ZNF704: variants seen among roughly 807,000 people sequenced by gnomAD.
ZNF704 encodes the protein zinc finger protein 704.
In ZNF704, 10 loss-of-function variants were observed where a neutral mutation model predicts 44.7. The ratio of observed to expected loss-of-function variants is 0.22; its 90% CI spans 0.14 to 0.38. The LOEUF (loss-of-function observed/expected upper bound fraction) is 0.38, where lower values mean the gene tolerates loss of function less well. Among genes scored for constraint, ZNF704 ranks in the 10% least tolerant of loss-of-function variants. The pLI is 1.00. For synonymous variants in ZNF704, 211 were observed against 207.6 expected (o/e 1.02, Z -0.14); for missense variants, 390 against 545.5 (o/e 0.71, Z 2.84).
At chr8:80,680,373 T>C (rs1818434256) in intron 4 of ZNF704, among the ~76,000 whole-genome samples, 2 of 152,054 alleles carry the variant, frequency 1.3e-5, no homozygotes, top group Non-Finnish European at 2.9e-5. Flanking sequence ...ATTTTTTTTT[T>C]TTTTGTATTG....
intron 1 of ZNF704, among the ~76,000 whole-genome samples, chr8:80,855,947 G>A (rs1306436507): frequency 1.3e-5 from 2 of 152,160 alleles, no homozygotes; most frequent in Non-Finnish European, 2.9e-5. Context: ...AGAGGTCAGA[G>A]TTACATCTAA....
At chr8:80,691,843 T>C (rs1818640774) in intron 3 of ZNF704, among the ~76,000 whole-genome samples, 3 of 152,186 alleles carry the variant, frequency 2.0e-5, no homozygotes, top group African/African-American at 7.2e-5. Context: ...TCTCTTCCTG[T>C]GCGTCTGTCA....
chr8:80,730,569 G>C (rs113002852), intron 2 of ZNF704, among the ~76,000 whole-genome samples: 3,419 of 126,128 alleles, frequency 0.027, 172 homozygotes, highest in African/African-American at 0.09. Flanking sequence ...AAAAAAAAAA[G>C]TTGTGCATTA....
At chr8:80,696,606 C>T (rs975551775) in intron 2 of ZNF704, among the ~76,000 whole-genome samples, 3 of 152,068 alleles carry the variant, frequency 2.0e-5, no homozygotes, top group Middle Eastern at 3.2e-3. Flanking sequence ...TCAGTAGAGA[C>T]GGGGTTTCAC....
chr8:80,645,874 C>T (rs931152381), intron 7 of ZNF704, among the ~76,000 whole-genome samples: 4 of 151,964 alleles, frequency 2.6e-5, no homozygotes, highest in Non-Finnish European at 4.4e-5. Context: ...ATGTTTGTCC[C>T]CTCCAAAACT....
chr8:80,880,698 G>A, the ZNF704 span, among the ~76,000 whole-genome samples: 1 of 152,162 alleles, frequency 6.6e-6, no homozygotes, highest in Non-Finnish European at 1.5e-5. Flanking sequence ...AACCTCTAGG[G>A]AATGATAGCC....
intron 2 of ZNF704, among the ~76,000 whole-genome samples, chr8:80,791,692 T>C (rs1445609654): frequency 6.6e-6 from 1 of 151,874 alleles, no homozygotes; most frequent in African/African-American, 2.4e-5. Context: ...GTCTCCACTC[T>C]GTCTACAGTT....
At chr8:80,667,489 C>T (rs564586653) in intron 5 of ZNF704, among the ~76,000 whole-genome samples, 3 of 152,182 alleles carry the variant, frequency 2.0e-5, no homozygotes, top group Non-Finnish European at 2.9e-5. Context: ...TAGGACTTCA[C>T]TCCTAACTGT....
At chr8:80,702,825 G>A (rs1388629587) in intron 2 of ZNF704, among the ~76,000 whole-genome samples, 1 of 152,094 alleles carries the variant, frequency 6.6e-6, no homozygotes, top group African/African-American at 2.4e-5. Context: ...GGTGAAAGTC[G>A]CTGGATCGGA....
chr8:80,786,945 T>A (rs1442910700), intron 2 of ZNF704, among the ~76,000 whole-genome samples: 1 of 152,208 alleles, frequency 6.6e-6, no homozygotes, highest in East Asian at 1.9e-4. Flanking sequence ...ACAAAAAGAA[T>A]ACATTTTTAG....
At chr8:80,731,789 C>T (rs1275925239) in intron 2 of ZNF704, among the ~76,000 whole-genome samples, 1 of 151,998 alleles carries the variant, frequency 6.6e-6, no homozygotes, top group Non-Finnish European at 1.5e-5. Context: ...ACCAGAAAAC[C>T]CCCCAAACAC....
chr8:80,833,857 G>C lies in ZNF704; in HGVS notation c.-21-12242C>G, dbSNP rs1014232806. ...GAGGAAACCTCAAATCTGTCTGCCA[G>C]AGGAGTTTGGGAATAGGGTTTTTAG... On this transcript the variant is annotated intron_variant, in intron 1 of 8. Transcript: ENST00000327835. Among the ~76,000 whole-genome samples the C allele has an allele frequency of 2.6e-5, 4 of 152,198 alleles. No homozygotes were observed. In the South Asian group the frequency reaches 8.3e-4, roughly 32 times the overall value.
At chr8:80,808,808 G>C (rs1172400299) in intron 2 of ZNF704, among the ~76,000 whole-genome samples, 9 of 152,308 alleles carry the variant, frequency 5.9e-5, no homozygotes, top group African/African-American at 1.9e-4. Context: ...TATCAACTGT[G>C]GTTAGAAAGA....
chr8:80,831,249 G>C (rs1003791678), intron 1 of ZNF704, among the ~76,000 whole-genome samples: 1 of 152,138 alleles, frequency 6.6e-6, no homozygotes, highest in Non-Finnish European at 1.5e-5. Flanking sequence ...CTAAAATTCA[G>C]TCCCCATTCA....
intron 2 of ZNF704, among the ~76,000 whole-genome samples, chr8:80,812,925 A>C (rs1352447639): frequency 3.3e-5 from 5 of 152,210 alleles, no homozygotes; most frequent in Non-Finnish European, 5.9e-5. Context: ...GAAGAGTTTT[A>C]AGAATCTCAT....
chr8:80,859,591 T>C (rs1397945500), intron 1 of ZNF704, among the ~76,000 whole-genome samples: 1 of 152,224 alleles, frequency 6.6e-6, no homozygotes, highest in African/African-American at 2.4e-5. Flanking sequence ...GTTGTGTGAA[T>C]TCTTTATGTT....
At chr8:80,759,841 A>C (rs1807098489) in intron 2 of ZNF704, among the ~76,000 whole-genome samples, 1 of 151,868 alleles carries the variant, frequency 6.6e-6, no homozygotes, top group Admixed American at 6.6e-5. Flanking sequence ...CTGCAGCCTC[A>C]ACCTCCTGGT....
rs944195149 is a variant in ZNF704 at position 80,635,289 on chromosome 8, CT to C, written c.*6076del. The C allele has an allele frequency of 6.6e-6, 1 of 152,264 alleles. No individual in the cohort carries two copies. The highest frequency in any genetic ancestry group is 2.4e-5 in the African/African-American group (1 of 41,474). 9.4% of individuals were successfully genotyped at this position (152,264 alleles called of 1,614,324 possible). A position where few individuals can be genotyped will look rare whatever the true frequency, so the allele number is the denominator to read the frequency against. ...TTAATAAACTCTTCACAACTCCCCT[CT>C]GTTTCCTGGTTCTTGGGAACTCAGT... is the stretch of plus-strand genomic sequence containing the variant. On this transcript the variant is annotated 3_prime_UTR_variant, in exon 9 of 9. Coordinates refer to ENST00000327835, the MANE Select transcript of ZNF704 (RefSeq NM_001033723.3).
upstream of ZNF704, among the ~76,000 whole-genome samples, chr8:80,875,266 T>C (rs1257504991): frequency 6.6e-6 from 1 of 151,992 alleles, no homozygotes; most frequent in Non-Finnish European, 1.5e-5. Flanking sequence ...ATGTAGTAAG[T>C]GGTATTTCTT....
Sources: gnomAD v4.1 joint callset for allele counts (sites outside exome capture counted in the v4.1 genomes callset) on GRCh38, gnomAD v4.1.1 for gene constraint, MANE v1.5 for transcripts, NCBI Gene and HGNC (gene_info 2026-07-23, HGNC 2026-07-21) for gene names.